LOXL2: variants seen among roughly 807,000 people sequenced by gnomAD.
LOXL2 encodes lysyl oxidase like 2, also known as lysyl oxidase homolog 2.
A neutral mutation model predicts 93.0 loss-of-function variants in LOXL2; 70 were observed. That is an observed-to-expected ratio of 0.75 (90% confidence interval 0.62 to 0.92). The LOEUF (loss-of-function observed/expected upper bound fraction) is 0.92, where lower values mean the gene tolerates loss of function less well. Among genes scored for constraint, LOXL2 ranks in the 40% least tolerant of loss-of-function variants. LOXL2 has a pLI of 0.00. For synonymous variants in LOXL2, 438 were observed against 413.2 expected (o/e 1.06, Z -0.73); for missense variants, 973 against 1,054.9 (o/e 0.92, Z 1.08).
intron 5 of LOXL2, 35 bp downstream of exon 5, chr8:23,333,366 G>T: frequency 1.9e-6 from 3 of 1,593,670 alleles, no homozygotes; most frequent in South Asian, 2.2e-5. Context: ...TCCCCTCCAG[G>T]TGCCAAGTGG....
At chr8:23,366,789 T>C (rs796959281) in intron 2 of LOXL2, among the ~76,000 whole-genome samples, 2 of 152,200 alleles carry the variant, frequency 1.3e-5, no homozygotes, top group African/African-American at 4.8e-5. Context: ...GACCCAGAGA[T>C]AGGAAACTCT....
chr8:23,383,362 A>G (rs1295592718), intron 1 of LOXL2, among the ~76,000 whole-genome samples: 1 of 152,138 alleles, frequency 6.6e-6, no homozygotes, highest in African/African-American at 2.4e-5. Flanking sequence ...AATAATGTGA[A>G]GATCCCTAGC....
chr8:23,374,184 G>C (rs980840736), intron 1 of LOXL2, among the ~76,000 whole-genome samples: 1 of 144,614 alleles, frequency 6.9e-6, no homozygotes, highest in East Asian at 2.0e-4. Flanking sequence ...CCACCTATGA[G>C]TGACAACATG....
At chr8:23,395,190 G>T (rs889443690) in intron 1 of LOXL2, among the ~76,000 whole-genome samples, 2 of 152,044 alleles carry the variant, frequency 1.3e-5, no homozygotes, top group African/African-American at 4.8e-5. Context: ...GGAGACGGAG[G>T]TTGCAGTGAG....
chr8:23,369,488 T>C (rs1456520757), intron 1 of LOXL2, among the ~76,000 whole-genome samples: 2 of 152,176 alleles, frequency 1.3e-5, no homozygotes, highest in Admixed American at 1.3e-4. Flanking sequence ...AGGCTAATCA[T>C]ATTCTTCTGG....
chr8:23,402,532 C>T (rs991261663), intron 1 of LOXL2: 10 of 152,300 alleles, frequency 6.6e-5, no homozygotes, highest in African/African-American at 2.2e-4. Flanking sequence ...AGTCACTTAT[C>T]TGGGAACTGA....
intron 10 of LOXL2, among the ~76,000 whole-genome samples, chr8:23,304,116 C>T (rs1303851715): frequency 1.3e-5 from 2 of 152,148 alleles, no homozygotes. Flanking sequence ...CTGACTCATC[C>T]TCAGGGGCAC....
intron 1 of LOXL2, among the ~76,000 whole-genome samples, chr8:23,390,678 C>A (rs539012605): frequency 6.6e-5 from 10 of 152,266 alleles, no homozygotes; most frequent in Non-Finnish European, 1.2e-4. Context: ...ACTCTCAGAT[C>A]GGATCAGAGT....
chr8:23,334,669 G>C (rs1043716211), intron 4 of LOXL2, among the ~76,000 whole-genome samples: 1 of 147,552 alleles, frequency 6.8e-6, no homozygotes, highest in African/African-American at 2.5e-5. Context: ...ATAGATGCAG[G>C]TAATTCAGTT....
chr8:23,304,420 C>G (rs3808526), intron 10 of LOXL2, among the ~76,000 whole-genome samples: 1 of 152,006 alleles, frequency 6.6e-6, no homozygotes, highest in Non-Finnish European at 1.5e-5. Context: ...TGTCTTAGCC[C>G]GATCCCAACC....
intron 6 of LOXL2, among the ~76,000 whole-genome samples, chr8:23,325,469 T>G (rs373559267): frequency 1.4e-4 from 22 of 152,070 alleles, no homozygotes; most frequent in African/African-American, 5.1e-4. Flanking sequence ...TTTAAAAAAA[T>G]TTTGTAGAGA....
In LOXL2 at chr8:23,321,230, G is replaced by A. The variant is rs1463690775; in HGVS notation, c.1302+900C>T. Among the ~76,000 whole-genome samples, 3 of 152,322 alleles carry A rather than the reference G, an allele frequency of 2.0e-5. No homozygotes were observed. The East Asian group carries it at 5.8e-4, about 29-fold the overall frequency. ...ATGTGGCTGCCTCGTTGCCTCTGGG[G>A]CCAGGAAAACACATGGTCACCAAGG... On this transcript the variant is annotated intron_variant, in intron 7 of 13. Coordinates refer to ENST00000389131, the MANE Select transcript of LOXL2 (RefSeq NM_002318.3).
At chr8:23,314,941 C>T (rs930928800) in intron 9 of LOXL2, among the ~76,000 whole-genome samples, 4 of 152,210 alleles carry the variant, frequency 2.6e-5, no homozygotes, top group Non-Finnish European at 5.9e-5. Flanking sequence ...GTGGTGCAGT[C>T]ACTGAGGATG....
chr8:23,338,649 T>C (rs1418409549), intron 4 of LOXL2, among the ~76,000 whole-genome samples: 1 of 152,046 alleles, frequency 6.6e-6, no homozygotes, highest in Non-Finnish European at 1.5e-5. Flanking sequence ...CCACAGGCTG[T>C]AGGAAGAGGG....
chr8:23,324,019 T>G (rs557607625), intron 6 of LOXL2, among the ~76,000 whole-genome samples: 1 of 152,210 alleles, frequency 6.6e-6, no homozygotes, highest in Non-Finnish European at 1.5e-5. Flanking sequence ...TTATTTCTTA[T>G]TTCTGCCACT....
At chr8:23,349,197 C>T (rs1439098418) in intron 3 of LOXL2, among the ~76,000 whole-genome samples, 7 of 152,252 alleles carry the variant, frequency 4.6e-5, no homozygotes, top group South Asian at 2.1e-4. Context: ...ATAAGAAGGG[C>T]GTGATAATGT....
At chr8:23,302,285 T>G in intron 11 of LOXL2, 122 bp from the exon 12 acceptor site, 1 of 1,177,500 alleles carries the variant, frequency 8.5e-7, no homozygotes, top group Admixed American at 2.0e-5. Context: ...CCCCACTGTG[T>G]GGGCTGCTCA....
chr8:23,367,038 T>G (rs1221055921), intron 2 of LOXL2, among the ~76,000 whole-genome samples: 1 of 152,144 alleles, frequency 6.6e-6, no homozygotes, highest in East Asian at 1.9e-4. Flanking sequence ...AGCAATTTTT[T>G]GGGTTTTTGT....
At chr8:23,318,431 A>G (rs908244347) in intron 8 of LOXL2, among the ~76,000 whole-genome samples, 2 of 32,460 alleles carry the variant, frequency 6.2e-5, no homozygotes, top group Non-Finnish European at 2.2e-4. Flanking sequence ...GATAGCACAC[A>G]CACACACACA....
Sources: gnomAD v4.1 joint callset for allele counts (sites outside exome capture counted in the v4.1 genomes callset) on GRCh38, gnomAD v4.1.1 for gene constraint, MANE v1.5 for transcripts, NCBI Gene and HGNC (gene_info 2026-07-23, HGNC 2026-07-21) for gene names.